The following PASD1 variants were observed in gnomAD, a reference collection of about 807,000 sequenced individuals.
PASD1 encodes PAS domain containing repressor 1.
A neutral mutation model predicts 58.8 loss-of-function variants in PASD1; 13 were observed. The observed-to-expected ratio is 0.22, with a 90% CI of 0.14 to 0.35. PASD1 has a LOEUF of 0.35. Among genes scored for constraint, PASD1 ranks in the 10% least tolerant of loss-of-function variants. PASD1 has a pLI of 1.00. For synonymous variants in PASD1, 236 were observed against 216.7 expected, an observed-to-expected ratio of 1.09 and a Z score of -0.78; for missense variants, 734 against 568.3, an observed-to-expected ratio of 1.29 and a Z score of -2.96.
At chrX:151,653,720 C>T (rs1482296247) in intron 9 of PASD1, among the ~76,000 whole-genome samples, 1 of 100,262 alleles carries the variant, frequency 1.0e-5, no homozygotes, top group Admixed American at 1.1e-4. Flanking sequence ...TCTTCCCCTT[C>T]CTTCCTTCTC....
intron 1 of PASD1, among the ~76,000 whole-genome samples, chrX:151,586,702 A>C (rs948177969): frequency 1.8e-5 from 2 of 111,775 alleles, no homozygotes; most frequent in African/African-American, 6.5e-5. Context: ...GTGCTTCTCA[A>C]AGGTTAGTGT....
rs1456741960 is a variant in PASD1, at chrX:151,621,724, C to G, written c.418+132C>G. The G allele has an allele frequency of 2.0e-5, 7 of 354,442 alleles. No homozygotes were observed. The South Asian group carries it at 6.2e-4, about 31-fold the overall frequency. 29.2% of individuals were successfully genotyped at this position (354,442 alleles called of 1,213,427 possible). ...CCTATGGCCACAGTTTCTGACTACTCACATTACTTAGACTTTTAAAAATTA... is the reference window on the plus strand; with the variant it reads ...CCTATGGCCACAGTTTCTGACTACTGACATTACTTAGACTTTTAAAAATTA... On this transcript the variant is annotated intron_variant, in intron 6 of 15. Transcript: ENST00000370357.
At position 151,674,093 on chromosome X, in the gene PASD1, A is replaced by G; in HGVS notation, c.2082A>G (p.Gln694=). ...CACAGGATTACATCCGGCTTTGGCA[A>G]GAGTTGTCTGATTCACTCGGTCCTG... ...ETPQDYIRLW[Q]ELSDSLGPVV... is the part of the protein sequence containing the mutation. The change falls in exon 15 of 16, where the codon CAA becomes CAG. Residue 694 remains glutamine (Q), a synonymous_variant. Transcript: ENST00000370357. 8.3e-7 allele frequency: 1 copy of G among 1,211,981 alleles called. No individual in the cohort carries two copies. Among genetic ancestry groups the G allele is most frequent in the Non-Finnish European group, 1.1e-6 (1 of 895,457 alleles).
chrX:151,673,553 G>C, intron 14 of PASD1: 1 of 232,860 alleles, frequency 4.3e-6, no homozygotes, highest in South Asian at 8.7e-5. Flanking sequence ...GGGTTGTGGA[G>C]AGAGCACTGG....
chrX:151,595,562 C>CA (rs751513597), intron 1 of PASD1, among the ~76,000 whole-genome samples: 1,038 of 94,212 alleles, frequency 0.011, 10 homozygotes, highest in African/African-American at 0.023. Flanking sequence ...ACTAAAAATA[C>CA]AAAAAAAAAA....
At position 151,627,879 on chromosome X, in the gene PASD1, T is replaced by G. The variant is rs1464640147; in HGVS notation, c.629+2349T>G. Among the ~76,000 whole-genome samples the G allele has an allele frequency of 2.7e-5, 3 of 111,632 alleles. No homozygotes were observed. In the Admixed American group the frequency reaches 2.8e-4, roughly 11 times the overall value. Reference sequence around the variant, plus strand: ...TCTCCAGCACCTGTTCTTTCCTGACTTTTTAATGATCGCCATTCTAACTGG... The same window carrying G: ...TCTCCAGCACCTGTTCTTTCCTGACGTTTTAATGATCGCCATTCTAACTGG... On this transcript the variant is annotated intron_variant, in intron 8 of 15. Coordinates refer to ENST00000370357, the MANE Select transcript of PASD1 (RefSeq NM_173493.3).
At chrX:151,659,898 G>A in intron 10 of PASD1, 62 bp downstream of exon 10, 1 of 1,096,716 alleles carries the variant, frequency 9.1e-7, no homozygotes. Flanking sequence ...CCCCAGGGTA[G>A]TTACAGTTTT....
intron 1 of PASD1, among the ~76,000 whole-genome samples, chrX:151,571,529 A>G (rs2012927820): frequency 9.0e-6 from 1 of 111,554 alleles, no homozygotes; most frequent in South Asian, 3.8e-4. Flanking sequence ...CTAATTTCAA[A>G]TATTCTCTGT....
intron 8 of PASD1, among the ~76,000 whole-genome samples, chrX:151,641,849 C>T (rs1323632147): frequency 1.8e-5 from 2 of 111,100 alleles, no homozygotes; most frequent in African/African-American, 3.3e-5. Context: ...CACGCGCGCG[C>T]GCGTATACCA....
At chrX:151,670,037 C>T (rs2014444046) in intron 11 of PASD1, among the ~76,000 whole-genome samples, 1 of 111,909 alleles carries the variant, frequency 8.9e-6, no homozygotes, top group Non-Finnish European at 1.9e-5. Context: ...CTTCTTTTTC[C>T]ACATCCTCAC....
intron 15 of PASD1, 59 bp from the exon 16 acceptor site, chrX:151,675,938 A>G: frequency 2.6e-6 from 3 of 1,157,015 alleles, no homozygotes; most frequent in Non-Finnish European, 3.5e-6. Context: ...TCCTACCACC[A>G]AAAAATGGGC....
chrX:151,598,070 G>A (rs1456470224), intron 1 of PASD1, among the ~76,000 whole-genome samples: 2 of 112,137 alleles, frequency 1.8e-5, no homozygotes, highest in Non-Finnish European at 3.8e-5. Context: ...ACTAGTTTTT[G>A]TTTGCTTTTT....
intron 8 of PASD1, 129 bp downstream of exon 8, chrX:151,625,659 A>C: frequency 1.8e-6 from 1 of 547,871 alleles, no homozygotes; most frequent in Non-Finnish European, 3.0e-6. Flanking sequence ...AAAGAAACAA[A>C]CGGGCCAGGG....
At chrX:151,653,810 C>G (rs2014182463) in intron 9 of PASD1, among the ~76,000 whole-genome samples, 1 of 16,832 alleles carries the variant, frequency 5.9e-5, no homozygotes, top group Non-Finnish European at 1.7e-4. Context: ...TTCCTTCCTT[C>G]CTTCCTTCCT....
At position 151,638,108 on chromosome X, in the gene PASD1, A is replaced by G. The variant is rs761514539; in HGVS notation, c.630-10507A>G. Among the ~76,000 whole-genome samples the G allele has an allele frequency of 2.7e-5, 3 of 111,761 alleles. No homozygotes were observed. The East Asian group carries it at 8.4e-4, about 31-fold the overall frequency. The stretch of plus-strand genomic sequence containing the variant: ...TGTCACTTATTGCTGTATTAACTTT[A>G]GCAGCTTGACTTCCTTGAACCTTGA... On this transcript the variant is annotated intron_variant, in intron 8 of 15. Coordinates refer to ENST00000370357, the MANE Select transcript of PASD1 (RefSeq NM_173493.3).
At chrX:151,623,424 A>T (rs1034340726) in intron 7 of PASD1, among the ~76,000 whole-genome samples, 14 of 110,528 alleles carry the variant, frequency 1.3e-4, no homozygotes, top group African/African-American at 4.7e-4. Flanking sequence ...AGGCAGCTCC[A>T]CCACAACCCC....
chrX:151,644,085 TC>T (rs2014029398), intron 8 of PASD1, among the ~76,000 whole-genome samples: 1 of 112,070 alleles, frequency 8.9e-6, no homozygotes, highest in Non-Finnish European at 1.9e-5. Context: ...CCATTGACTA[TC>T]TGCCTTTAGC....
At position 151,611,710 on chromosome X, in the gene PASD1, T is replaced by C; in HGVS notation, c.164T>C (p.Ile55Thr). 1.7e-6 allele frequency: 2 copies of C among 1,208,022 alleles called. No individual in the cohort carries two copies. The highest frequency in any genetic ancestry group is 2.2e-6 in the Non-Finnish European group (2 of 893,407). The change falls in exon 4 of 16, where the codon ATT (isoleucine) becomes ACT (threonine). Residue 55 changes from isoleucine (I) to threonine (T), a missense_variant. Physicochemically the swap from Ile to Thr is moderately conservative, Grantham distance 89 (BLOSUM62 -1). Transcript: ENST00000370357. The part of the protein sequence containing the change: ...MITLSTDGVI[I>T]CVAENISSLL... ...ACACTGAGCACAGATGGAGTGATCA[T>C]TTGTGTGGCTGAAAACATCTCTTCT... is the stretch of plus-strand genomic sequence containing the variant.
intron 1 of PASD1, among the ~76,000 whole-genome samples, chrX:151,566,496 C>T (rs1226227420): frequency 9.0e-6 from 1 of 111,635 alleles, no homozygotes; most frequent in Non-Finnish European, 1.9e-5. Context: ...GGGTGGCTAT[C>T]CTTGTGACCT....
Sources: allele counts gnomAD v4.1 joint callset (sites outside exome capture counted in the v4.1 genomes callset), GRCh38; gene constraint gnomAD v4.1.1; transcripts MANE v1.5; gene names NCBI Gene and HGNC (gene_info 2026-07-23, HGNC 2026-07-21).